The following CNTNAP3B variants were observed in gnomAD, a reference collection of about 807,000 sequenced individuals.
The protein encoded by CNTNAP3B is contactin associated protein family member 3B, also known as contactin-associated protein-like 3B.
CNTNAP3B carries 25 observed loss-of-function variants against 108.9 expected under a neutral mutation model. The ratio of observed to expected loss-of-function variants is 0.23; its 90% CI spans 0.17 to 0.32. The LOEUF (loss-of-function observed/expected upper bound fraction) is 0.32. Among genes scored for constraint, CNTNAP3B ranks in the 10% least tolerant of loss-of-function variants. The probability of loss-of-function intolerance (pLI) is 1.00; values close to 1 mark genes in which losing one functional copy is unlikely to be tolerated. For synonymous variants in CNTNAP3B, 103 were observed against 473.4 expected (o/e 0.22, Z 10.16); for missense variants, 252 against 1,210.4 (o/e 0.21, Z 11.75).
At chr9:41,991,233 G>T (rs1251072499) in intron 8 of CNTNAP3B, among the ~76,000 whole-genome samples, 1 of 91,166 alleles carries the variant, frequency 1.1e-5, no homozygotes. Context: ...ACCCTGAGCG[G>T]CAGGGCGGAG....
At chr9:42,126,695 G>C (rs1474702660) in intron 1 of CNTNAP3B, among the ~76,000 whole-genome samples, 1 of 134,780 alleles carries the variant, frequency 7.4e-6, no homozygotes, top group Non-Finnish European at 1.6e-5. Flanking sequence ...TCAGCCTCCC[G>C]AGTAGCTGGA....
intron 10 of CNTNAP3B, among the ~76,000 whole-genome samples, chr9:41,969,032 G>A (rs1260754343): frequency 4.6e-5 from 7 of 152,402 alleles, no homozygotes; most frequent in Admixed American, 2.0e-4. Context: ...TCCTGACCTC[G>A]TGATCCGCCC....
intron 13 of CNTNAP3B, among the ~76,000 whole-genome samples, chr9:41,945,003 A>G (rs1269142528): frequency 6.6e-6 from 1 of 151,640 alleles, no homozygotes; most frequent in East Asian, 1.9e-4. Context: ...CAGCCAACAG[A>G]CACATGAAAA....
chr9:42,121,597 G>GA (rs1179029171), intron 1 of CNTNAP3B, among the ~76,000 whole-genome samples: 5 of 139,538 alleles, frequency 3.6e-5, no homozygotes, highest in East Asian at 2.2e-4. Flanking sequence ...TCATATCCCA[G>GA]AAAAAAGAAG....
intron 12 of CNTNAP3B, among the ~76,000 whole-genome samples, chr9:41,956,253 G>A (rs1226117466): frequency 1.3e-5 from 2 of 151,788 alleles, no homozygotes; most frequent in Non-Finnish European, 2.9e-5. Context: ...GGGCGTGGTG[G>A]CACATGCCTG....
chr9:41,943,345 ATTTTTTTTTTTTTTTT>A (rs1165684239), intron 13 of CNTNAP3B, among the ~76,000 whole-genome samples: 1 of 132,560 alleles, frequency 7.5e-6, no homozygotes, highest in Non-Finnish European at 1.6e-5. Context: ...TTGGACAATA[ATTTTTTTTTTTTTTTT>A]TTTTTTTTTG....
chr9:42,030,802 A>AT (rs1826506410), intron 3 of CNTNAP3B, among the ~76,000 whole-genome samples: 1 of 85,100 alleles, frequency 1.2e-5, no homozygotes, highest in African/African-American at 5.0e-5. Context: ...CGAGAGAGAG[A>AT]GAGAGAGAGA....
chr9:41,944,783 C>T (rs1355122292), intron 13 of CNTNAP3B, among the ~76,000 whole-genome samples: 2 of 152,288 alleles, frequency 1.3e-5, no homozygotes, highest in Non-Finnish European at 2.9e-5. Context: ...TCTAATTAAA[C>T]TAAAGAGCTT....
Position 42,100,297 on chromosome 9 carries a change from G to A in CNTNAP3B, c.196+4332C>T, listed in dbSNP as rs1423681919. 3.0e-5 allele frequency among the ~76,000 whole-genome samples: 2 copies of A among 67,674 alleles called. 1 individual carries two copies. Among genetic ancestry groups the A allele is most frequent in the East Asian group, 1.6e-3 (2 of 1,240 alleles). 44.4% of individuals were successfully genotyped at this position (67,674 alleles called of 152,430 possible). A position where few individuals can be genotyped will look rare whatever the true frequency, so the allele number is the denominator to read the frequency against. ...TGACACAATACACTAAAACATTCCA[G>A]CTTGGGTCAGCAGACATGTTACAGC... On this transcript the variant is annotated intron_variant, in intron 2 of 23. Coordinates refer to ENST00000377561, the MANE Select transcript of CNTNAP3B (RefSeq NM_001201380.3).
At chr9:41,978,864 G>C (rs1180778587) in intron 9 of CNTNAP3B, among the ~76,000 whole-genome samples, 1 of 147,182 alleles carries the variant, frequency 6.8e-6, no homozygotes, top group African/African-American at 2.6e-5. Context: ...CAACTTGACT[G>C]TGGTAATCAG....
intron 11 of CNTNAP3B, among the ~76,000 whole-genome samples, chr9:41,961,536 T>C (rs1156323535): frequency 6.6e-6 from 1 of 152,300 alleles, no homozygotes; most frequent in Non-Finnish European, 1.5e-5. Context: ...CTAAATAATC[T>C]GGTATTTTCC....
intron 1 of CNTNAP3B, among the ~76,000 whole-genome samples, chr9:42,121,840 T>C (rs1828470194): frequency 7.1e-6 from 1 of 140,760 alleles, no homozygotes; most frequent in Admixed American, 7.1e-5. Flanking sequence ...AGGAGAGATT[T>C]TAACCTACTT....
chr9:41,921,064 C>T (rs1324495526), intron 17 of CNTNAP3B, among the ~76,000 whole-genome samples: 2 of 152,298 alleles, frequency 1.3e-5, no homozygotes, highest in Non-Finnish European at 2.9e-5. Context: ...CTGGAAAATG[C>T]AGTTTTTAGC....
intron 3 of CNTNAP3B, among the ~76,000 whole-genome samples, chr9:42,019,961 TATAC>T (rs1278724409): frequency 3.9e-5 from 5 of 127,560 alleles, no homozygotes; most frequent in Admixed American, 1.7e-4. Flanking sequence ...ATTAATTAAA[TATAC>T]ATAATCATTG....
chr9:42,058,082 T>C (rs1405236263), intron 3 of CNTNAP3B, among the ~76,000 whole-genome samples: 1 of 141,816 alleles, frequency 7.1e-6, no homozygotes, highest in Non-Finnish European at 1.5e-5. Flanking sequence ...CCATTGTGTA[T>C]GTACACCACA....
chr9:41,952,606 C>T (rs1300779874), intron 13 of CNTNAP3B, among the ~76,000 whole-genome samples: 11 of 151,738 alleles, frequency 7.2e-5, no homozygotes, highest in Non-Finnish European at 1.6e-4. Context: ...CAAAACATTA[C>T]TTCCATATAT....
chr9:41,967,880 T>G (rs1353441252), intron 10 of CNTNAP3B, among the ~76,000 whole-genome samples: 1 of 152,282 alleles, frequency 6.6e-6, no homozygotes, highest in Admixed American at 6.5e-5. Context: ...GCAATGATTA[T>G]TGTACACATC....
At position 42,034,271 on chromosome 9, in the gene CNTNAP3B, C is replaced by A. The variant is rs554986385; in HGVS notation, c.391-20746G>T. Among the ~76,000 whole-genome samples, 966 of 123,296 alleles carry A rather than the reference C, an allele frequency of 7.8e-3. 110 individuals carry two copies. Among genetic ancestry groups the A allele is most frequent in the African/African-American group, 0.032 (929 of 29,474 alleles). 80.9% of individuals were successfully genotyped at this position (123,296 alleles called of 152,430 possible). The stretch of plus-strand genomic sequence containing the variant: ...GAGTGAACCATGTGGAACTTCCAAC[C>A]CTTCTTTCCTCTACTCCTGAATGCC... On this transcript the variant is annotated intron_variant, in intron 3 of 23. Transcript: ENST00000377561.
intron 17 of CNTNAP3B, among the ~76,000 whole-genome samples, chr9:41,921,350 C>T (rs1386865018): frequency 6.6e-6 from 1 of 152,186 alleles, no homozygotes; most frequent in Non-Finnish European, 1.5e-5. Context: ...CTCACTGCAC[C>T]TTAATAGAAG....
Sources: allele counts gnomAD v4.1 joint callset (sites outside exome capture counted in the v4.1 genomes callset), GRCh38; gene constraint gnomAD v4.1.1; transcripts MANE v1.5; gene names NCBI Gene and HGNC (gene_info 2026-07-23, HGNC 2026-07-21).